Variants in PRKN observed in about 807,000 individuals in gnomAD.
The protein encoded by PRKN is parkin RBR E3 ubiquitin protein ligase.
In PRKN, 56 loss-of-function variants were observed where a neutral mutation model predicts 59.5. The ratio of observed to expected loss-of-function variants is 0.94; its 90% CI spans 0.76 to 1.18. The LOEUF (loss-of-function observed/expected upper bound fraction) is 1.18. PRKN is among the 50% of genes most tolerant of loss of function. The pLI, the probability that PRKN is intolerant of heterozygous loss-of-function variation, is 0.00. For missense variants in PRKN, 657 were observed against 596.4 expected (o/e 1.10, Z -1.06); for synonymous variants, 250 against 222.1 (o/e 1.13, Z -1.12).
intron 2 of PRKN, among the ~76,000 whole-genome samples, chr6:162,343,916 T>C (rs1051039788): frequency 5.3e-5 from 8 of 151,972 alleles, no homozygotes; most frequent in Non-Finnish European, 7.4e-5. Flanking sequence ...CCATGAGCAA[T>C]AGAAAAAAAG....
intron 7 of PRKN, among the ~76,000 whole-genome samples, chr6:161,771,398 A>T (rs1314023818): frequency 1.3e-5 from 2 of 149,242 alleles, no homozygotes; most frequent in Non-Finnish European, 3.0e-5. Flanking sequence ...AAAATAAAAT[A>T]AAAGCACTGC....
At chr6:161,995,872 T>A (rs1781821649) in intron 5 of PRKN, among the ~76,000 whole-genome samples, 2 of 152,150 alleles carry the variant, frequency 1.3e-5, no homozygotes. Context: ...AAGCACAAGG[T>A]GGCTTACGCC....
intron 1 of PRKN, among the ~76,000 whole-genome samples, chr6:162,702,668 G>T (rs1403659975): frequency 6.6e-6 from 1 of 152,114 alleles, no homozygotes; most frequent in Non-Finnish European, 1.5e-5. Flanking sequence ...TGCATTGCAG[G>T]AATAAAGCAA....
At chr6:161,779,888 T>G (rs1790132132) in intron 7 of PRKN, among the ~76,000 whole-genome samples, 1 of 152,170 alleles carries the variant, frequency 6.6e-6, no homozygotes, top group Non-Finnish European at 1.5e-5. Flanking sequence ...TGCATTGAAT[T>G]ATAGGAAATC....
At chr6:161,482,110 A>G (rs1791431398) in intron 9 of PRKN, among the ~76,000 whole-genome samples, 1 of 152,238 alleles carries the variant, frequency 6.6e-6, no homozygotes, top group Non-Finnish European at 1.5e-5. Flanking sequence ...AACAATCTCA[A>G]GTAAAATTGT....
At chr6:161,427,957 T>C (rs1268969948) in intron 9 of PRKN, among the ~76,000 whole-genome samples, 1 of 152,140 alleles carries the variant, frequency 6.6e-6, no homozygotes, top group Non-Finnish European at 1.5e-5. Context: ...TTTCCAGCAC[T>C]GGAGAGAAGC....
At chr6:161,524,796 C>A (rs912324541) in intron 9 of PRKN, among the ~76,000 whole-genome samples, 1 of 152,050 alleles carries the variant, frequency 6.6e-6, no homozygotes, top group African/African-American at 2.4e-5. Context: ...CAAAATTATA[C>A]CTTCACCTCT....
intron 4 of PRKN, among the ~76,000 whole-genome samples, chr6:162,076,958 A>G (rs1039058955): frequency 9.2e-5 from 14 of 151,868 alleles, no homozygotes; most frequent in African/African-American, 3.4e-4. Context: ...GAGAACTGCA[A>G]CTCCCATCTT....
At chr6:162,246,702 G>T (rs553507097) in intron 3 of PRKN, among the ~76,000 whole-genome samples, 1 of 152,112 alleles carries the variant, frequency 6.6e-6, no homozygotes, top group African/African-American at 2.4e-5. Flanking sequence ...ATTTTAACAG[G>T]TTGGGGTTTG....
chr6:162,154,501 C>G (rs1472251317), intron 4 of PRKN, among the ~76,000 whole-genome samples: 1 of 144,598 alleles, frequency 6.9e-6, no homozygotes, highest in East Asian at 2.0e-4. Context: ...GGCCTACACT[C>G]TAGTGACACT....
chr6:162,494,511 T>A (rs1382537960), intron 1 of PRKN, among the ~76,000 whole-genome samples: 1 of 152,180 alleles, frequency 6.6e-6, no homozygotes, highest in Non-Finnish European at 1.5e-5. Flanking sequence ...GCATCCAATG[T>A]GAGACAACAG....
At chr6:161,421,924 G>C (rs974124473) in intron 9 of PRKN, among the ~76,000 whole-genome samples, 4 of 152,146 alleles carry the variant, frequency 2.6e-5, no homozygotes, top group Admixed American at 1.3e-4. Context: ...AAAAAGGTTA[G>C]AATTTAGTGA....
chr6:161,557,787 C>T (rs115314699), intron 8 of PRKN, among the ~76,000 whole-genome samples: 1 of 152,188 alleles, frequency 6.6e-6, no homozygotes, highest in Non-Finnish European at 1.5e-5. Context: ...TGCCAGCCAT[C>T]CAGGAGCTAT....
intron 4 of PRKN, among the ~76,000 whole-genome samples, chr6:162,139,538 A>T (rs551880399): frequency 2.6e-5 from 4 of 152,144 alleles, no homozygotes; most frequent in African/African-American, 9.7e-5. Flanking sequence ...GCATGGCAGT[A>T]TGATGGAAAC....
intron 1 of PRKN, among the ~76,000 whole-genome samples, chr6:162,467,558 AT>A (rs759345603): frequency 2.0e-5 from 3 of 151,932 alleles, no homozygotes; most frequent in Non-Finnish European, 4.4e-5. Flanking sequence ...TATTTATTAG[AT>A]TTCTCTACCT....
chr6:162,437,149 A>G (rs1316003140), intron 2 of PRKN, among the ~76,000 whole-genome samples: 1 of 152,178 alleles, frequency 6.6e-6, no homozygotes, highest in Non-Finnish European at 1.5e-5. Flanking sequence ...TAATGTCTCT[A>G]TAAGTTTTAC....
At chr6:162,709,514 G>A (rs1778451593) in intron 1 of PRKN, among the ~76,000 whole-genome samples, 1 of 152,032 alleles carries the variant, frequency 6.6e-6, no homozygotes, top group Admixed American at 6.6e-5. Flanking sequence ...CAAACTCAGA[G>A]TTCCTTAGTT....
At chr6:162,560,221 G>A (rs1426074618) in intron 1 of PRKN, among the ~76,000 whole-genome samples, 1 of 152,140 alleles carries the variant, frequency 6.6e-6, no homozygotes, top group Non-Finnish European at 1.5e-5. Flanking sequence ...TTGCATATAA[G>A]TGCAATAAAA....
chr6:162,012,129 C>A (rs1223061139), intron 5 of PRKN, among the ~76,000 whole-genome samples: 3 of 152,068 alleles, frequency 2.0e-5, no homozygotes, highest in Admixed American at 6.6e-5. Flanking sequence ...GATGAGAAAT[C>A]GTTTAACCAT....
Sources: gnomAD v4.1 joint callset for allele counts (sites outside exome capture counted in the v4.1 genomes callset) on GRCh38, gnomAD v4.1.1 for gene constraint, MANE v1.5 for transcripts, NCBI Gene and HGNC (gene_info 2026-07-23, HGNC 2026-07-21) for gene names.